The following PIK3CG variants were observed in gnomAD, a reference collection of about 807,000 sequenced individuals.
PIK3CG encodes phosphatidylinositol-4,5-bisphosphate 3-kinase catalytic subunit gamma, also known as phosphatidylinositol 4,5-bisphosphate 3-kinase catalytic subunit gamma isoform.
In PIK3CG, 55 loss-of-function variants were observed where a neutral mutation model predicts 102.3. That is an observed-to-expected ratio of 0.54 (90% CI 0.43 to 0.67). The LOEUF (loss-of-function observed/expected upper bound fraction) is 0.67, where lower values mean the gene tolerates loss of function less well. Ranked by LOEUF, PIK3CG falls within the 30% of genes least tolerant of loss-of-function variation. The pLI is 0.00. For missense variants in PIK3CG, 1,258 were observed against 1,391.8 expected (o/e 0.90, Z 1.53); for synonymous variants, 552 against 540.0 (o/e 1.02, Z -0.31).
Position 106,880,772 on chromosome 7 carries a change from A to G in PIK3CG, c.2538+1107A>G, listed in dbSNP as rs1790909164. On this transcript the variant is annotated intron_variant, in intron 6 of 10. Transcript: ENST00000496166. This position sits in a 1 kb window ranked among gnomAD's most constrained non-coding sequence, Gnocchi z 4.2. ...CAGCCCACTGCAGCCTCAAACTCCT[A>G]GGCTCAAGCAATCCTCCTGCCTTAG... is the stretch of plus-strand genomic sequence containing the variant. Among the ~76,000 whole-genome samples, 1 of 151,948 alleles carries G rather than the reference A, an allele frequency of 6.6e-6. No homozygotes were observed.
rs1791294012 is a variant in PIK3CG at position 106,892,656 on chromosome 7, A to T, written c.3030+6364A>T. Reference sequence around the variant, plus strand: ...TAGAGCATGGCCCCAGAACATGGCAAGAAAGCTACTTACACAACTTTGTGC... The same window carrying T: ...TAGAGCATGGCCCCAGAACATGGCATGAAAGCTACTTACACAACTTTGTGC... On this transcript the variant is annotated intron_variant, in intron 10 of 10. Coordinates refer to ENST00000496166, the MANE Select transcript of PIK3CG (RefSeq NM_001282426.2). The surrounding 1 kb of genome is among the most constrained non-coding windows in gnomAD (Gnocchi z 5.2). 6.6e-6 allele frequency among the ~76,000 whole-genome samples: 1 copy of T among 152,236 alleles called. No homozygotes were observed. The highest frequency in any genetic ancestry group is 2.4e-5 in the African/African-American group (1 of 41,478).
Position 106,902,827 on chromosome 7 carries a change from C to T in PIK3CG, c.3031-2282C>T, listed in dbSNP as rs1034956981. ...TTTAATATTATGTATAGCTTTTTTT[C>T]TCTCAAAAGTTTTAAGTTCCTGTAG... On this transcript the variant is annotated intron_variant, in intron 10 of 10. Coordinates refer to ENST00000496166, the MANE Select transcript of PIK3CG (RefSeq NM_001282426.2). The surrounding 1 kb of genome is among the most constrained non-coding windows in gnomAD (Gnocchi z 4.3). 4.2e-4 allele frequency among the ~76,000 whole-genome samples: 64 copies of T among 151,876 alleles called. No individual in the cohort carries two copies. Among genetic ancestry groups the T allele is most frequent in the African/African-American group, 1.5e-3 (62 of 41,450 alleles).
chr7:106,866,007 T>C (rs190427254), intron 1 of PIK3CG, among the ~76,000 whole-genome samples: 38 of 152,364 alleles, frequency 2.5e-4, no homozygotes, highest in Admixed American at 1.8e-3. Flanking sequence ...TTTGGGACAG[T>C]TGGTTTCACT....
intron 10 of PIK3CG, among the ~76,000 whole-genome samples, chr7:106,887,937 T>TTTTC (rs1791152483): frequency 9.2e-6 from 1 of 108,682 alleles, no homozygotes; most frequent in South Asian, 5.0e-4. Context: ...ACTCTCCTTT[T>TTTTC]TTTTTTTTTT....
rs1186454216 is a variant in PIK3CG, at chr7:106,869,613, T to G, written c.1995+57T>G. On this transcript the variant is annotated intron_variant, in intron 2 of 10. Transcript: ENST00000496166. This position sits in a 1 kb window ranked among gnomAD's most constrained non-coding sequence, Gnocchi z 5.3. ...TTCTCAAAAGGAATTGATTTGCATA[T>G]GCACAGGCACTCCATTCAGTTGTCA... The G allele has an allele frequency of 1.5e-6, 2 of 1,374,008 alleles. No individual in the cohort carries two copies. The highest frequency in any genetic ancestry group is 2.9e-5 in the African/African-American group (2 of 68,952). The allele number at this position is 1,374,008 out of a possible 1,614,324, so 85.1% of individuals were successfully genotyped here. A position where few individuals can be genotyped will look rare whatever the true frequency, so the allele number is the denominator to read the frequency against.
chr7:106,905,734 G>T lies in PIK3CG; in HGVS notation c.*347G>T. The T allele has an allele frequency of 3.4e-6, 1 of 292,862 alleles. No homozygotes were observed. The highest frequency in any genetic ancestry group is 6.4e-6 in the Non-Finnish European group (1 of 156,942). The allele number at this position is 292,862 out of a possible 1,614,324, so 18.1% of individuals were successfully genotyped here. A position where few individuals can be genotyped will look rare whatever the true frequency, so the allele number is the denominator to read the frequency against. ...CTGGAAATTCTTTGGAATAATTGATGACATCTATTTTCATCTGGGTTTAGT... is the reference window on the plus strand; with the variant it reads ...CTGGAAATTCTTTGGAATAATTGATTACATCTATTTTCATCTGGGTTTAGT... On this transcript the variant is annotated 3_prime_UTR_variant, in exon 11 of 11. Coordinates refer to ENST00000496166, the MANE Select transcript of PIK3CG (RefSeq NM_001282426.2). This position sits in a 1 kb window ranked among gnomAD's most constrained non-coding sequence, Gnocchi z 5.6.
intron 10 of PIK3CG, among the ~76,000 whole-genome samples, chr7:106,896,143 C>G (rs756537647): frequency 6.6e-6 from 1 of 152,194 alleles, no homozygotes; most frequent in Non-Finnish European, 1.5e-5. Context: ...AAATAGCCTT[C>G]GAGAAAAGCA....
At position 106,907,244 on chromosome 7, in the gene PIK3CG, C is replaced by T. The variant is rs1791707758; in HGVS notation, c.*1857C>T. The T allele has an allele frequency of 6.3e-6, 1 of 159,070 alleles. No homozygotes were observed. The highest frequency in any genetic ancestry group is 1.4e-5 in the Non-Finnish European group (1 of 71,996). 9.9% of individuals were successfully genotyped at this position (159,070 alleles called of 1,614,324 possible). The stretch of plus-strand genomic sequence containing the variant: ...CTAGATTCTTCAGGTGATTCTAATT[C>T]ACAGCCAGAGTTGGAAGCCCTGCGT... On this transcript the variant is annotated 3_prime_UTR_variant, in exon 11 of 11. Coordinates refer to ENST00000496166, the MANE Select transcript of PIK3CG (RefSeq NM_001282426.2).
chr7:106,890,613 A>T lies in PIK3CG; in HGVS notation c.3030+4321A>T, dbSNP rs533168641. On this transcript the variant is annotated intron_variant, in intron 10 of 10. Transcript: ENST00000496166. This position sits in a 1 kb window ranked among gnomAD's most constrained non-coding sequence, Gnocchi z 4.2. ...GCTTTCCAAAGATAATACTGTCAAC[A>T]TGTTAGTTTCTAGAAGATTGTAAAT... Among the ~76,000 whole-genome samples, 1 of 152,278 alleles carries T rather than the reference A, an allele frequency of 6.6e-6. No homozygotes were observed. The highest frequency in any genetic ancestry group is 2.4e-5 in the African/African-American group (1 of 41,478).
Position 106,893,689 on chromosome 7 carries a change from A to T in PIK3CG, c.3030+7397A>T, listed in dbSNP as rs1400429508. On this transcript the variant is annotated intron_variant, in intron 10 of 10. Transcript: ENST00000496166. This position sits in a 1 kb window ranked among gnomAD's most constrained non-coding sequence, Gnocchi z 4.4. ...TCTGAACATTGACTACAGTTAACAG[A>T]TTATGTCCTTTTAGCTAGAGATATA... Among the ~76,000 whole-genome samples the T allele has an allele frequency of 2.0e-5, 3 of 152,212 alleles. No homozygotes were observed. Among genetic ancestry groups the T allele is most frequent in the Non-Finnish European group, 2.9e-5 (2 of 68,034 alleles).
At chr7:106,896,065 G>A (rs944321828) in intron 10 of PIK3CG, among the ~76,000 whole-genome samples, 4 of 152,202 alleles carry the variant, frequency 2.6e-5, no homozygotes, top group African/African-American at 9.6e-5. Context: ...TCATAGAAGA[G>A]ATCCTTGTGT....
At position 106,874,011 on chromosome 7, in the gene PIK3CG, C is replaced by A. The variant is rs1376002384; in HGVS notation, c.2288-689C>A. ...ACTATGGCTCATTACATAGACACTT[C>A]ATGTACTCAACCAGTATTTTAAACT... On this transcript the variant is annotated intron_variant, in intron 4 of 10. Transcript: ENST00000496166. The surrounding 1 kb of genome is among the most constrained non-coding windows in gnomAD (Gnocchi z 4.3). Among the ~76,000 whole-genome samples, 2 of 152,136 alleles carry A rather than the reference C, an allele frequency of 1.3e-5. No homozygotes were observed. Among genetic ancestry groups the A allele is most frequent in the African/African-American group, 4.8e-5 (2 of 41,426 alleles).
intron 1 of PIK3CG, among the ~76,000 whole-genome samples, chr7:106,866,599 T>C (rs1163115191): frequency 6.6e-6 from 1 of 152,206 alleles, no homozygotes; most frequent in African/African-American, 2.4e-5. Context: ...CATTATTAAG[T>C]AGAGACAGAT....
In PIK3CG at chr7:106,874,770, A is replaced by C; in HGVS notation, c.2358A>C (p.Pro786=). The C allele has an allele frequency of 1.2e-6, 2 of 1,613,948 alleles. No individual in the cohort carries two copies. Among genetic ancestry groups the C allele is most frequent in the Admixed American group, 3.3e-5 (2 of 60,026 alleles). Residue 786 remains proline, a synonymous_variant, in exon 5 of 11, where the codon CCA becomes CCC. Coordinates refer to ENST00000496166, the MANE Select transcript of PIK3CG (RefSeq NM_001282426.2). The surrounding 1 kb of genome is among the most constrained non-coding windows in gnomAD (Gnocchi z 4.3). ...NSQLPESFRV[P]YDPGLKAGAL... is the part of the protein sequence containing the mutation. ...AACTCCCCGAAAGCTTTAGAGTTCCATATGATCCTGGACTGAAAGCAGGAG... is the reference window on the plus strand; with the variant it reads ...AACTCCCCGAAAGCTTTAGAGTTCCCTATGATCCTGGACTGAAAGCAGGAG...
At chr7:106,882,052 G>C in intron 6 of PIK3CG, 65 bp from the exon 7 acceptor site, 1 of 623,378 alleles carries the variant, frequency 1.6e-6, no homozygotes, top group Non-Finnish European at 2.4e-6. Context: ...TATTTTTAAG[G>C]GAGAAGAAAA....
rs1791024224 is a variant in PIK3CG, at chr7:106,884,313, T to C, written c.2872+47T>C. ...TAAACTTTTATTGTGGTAAAATATATATAACATAACATTTACTATTTTAAC... is the reference window on the plus strand; with the variant it reads ...TAAACTTTTATTGTGGTAAAATATACATAACATAACATTTACTATTTTAAC... On this transcript the variant is annotated intron_variant, in intron 9 of 10. Coordinates refer to ENST00000496166, the MANE Select transcript of PIK3CG (RefSeq NM_001282426.2). This position sits in a 1 kb window ranked among gnomAD's most constrained non-coding sequence, Gnocchi z 4.2. 2.5e-6 allele frequency: 3 copies of C among 1,188,144 alleles called. No homozygotes were observed. The highest frequency in any genetic ancestry group is 1.9e-4 in the Middle Eastern group (1 of 5,222). 73.6% of individuals were successfully genotyped at this position (1,188,144 alleles called of 1,614,324 possible).
rs761955149 is a variant in PIK3CG, at chr7:106,867,604, G to T, written c.43G>T (p.Asp15Tyr). 6.2e-7 allele frequency: 1 copy of T among 1,606,742 alleles called. No individual in the cohort carries two copies. Among genetic ancestry groups the T allele is most frequent in the African/African-American group, 1.3e-5 (1 of 74,544 alleles). The change falls in exon 2 of 11, where the codon GAC (aspartate) becomes TAC (tyrosine). Residue 15 changes from aspartate to tyrosine, a missense_variant. By Grantham distance (160) the Asp-to-Tyr change is radical (BLOSUM62 -3). Around this residue, in one of 2 missense-constraint regions of PIK3CG, gnomAD observed 832 missense variants for 787.5 expected, o/e 1.06. Coordinates refer to ENST00000496166, the MANE Select transcript of PIK3CG (RefSeq NM_001282426.2). This position sits in a 1 kb window ranked among gnomAD's most constrained non-coding sequence, Gnocchi z 5.1. ...NYKQPVVLREDNCRRRRRMKP... is the reference protein window; with the variant it reads ...NYKQPVVLREYNCRRRRRMKP... ...TAAACAGCCCGTGGTGCTGAGAGAG[G>T]ACAACTGCCGAAGGCGCCGGAGGAT...
intron 5 of PIK3CG, among the ~76,000 whole-genome samples, chr7:106,876,436 G>T (rs192763367): frequency 6.7e-6 from 1 of 149,560 alleles, no homozygotes; most frequent in East Asian, 2.0e-4. Context: ...CTGTCGCCCA[G>T]GGTGGAGTGC....
chr7:106,894,725 G>C lies in PIK3CG; in HGVS notation c.3030+8433G>C, dbSNP rs1045885777. Among the ~76,000 whole-genome samples, 2 of 152,192 alleles carry C rather than the reference G, an allele frequency of 1.3e-5. No homozygotes were observed. Among genetic ancestry groups the C allele is most frequent in the Non-Finnish European group, 2.9e-5 (2 of 68,034 alleles). ...TTACTATTTAGGAAAAGTAAGTGGA[G>C]GTTCCACTTCATTTCTAGATGAAAA... On this transcript the variant is annotated intron_variant, in intron 10 of 10. Coordinates refer to ENST00000496166, the MANE Select transcript of PIK3CG (RefSeq NM_001282426.2). The surrounding 1 kb of genome is among the most constrained non-coding windows in gnomAD (Gnocchi z 4.4).
Sources: allele counts gnomAD v4.1 joint callset (sites outside exome capture counted in the v4.1 genomes callset), GRCh38; gene constraint gnomAD v4.1.1; regional missense constraint gnomAD v4.1.1; non-coding constraint Gnocchi (gnomAD v3.1); transcripts MANE v1.5; gene names NCBI Gene and HGNC (gene_info 2026-07-23, HGNC 2026-07-21).